Variants in SLC12A9 observed in about 807,000 individuals in gnomAD.
SLC12A9 encodes CCC-interacting protein 1.
A neutral mutation model predicts 66.0 loss-of-function variants in SLC12A9; 55 were observed. The ratio of observed to expected loss-of-function variants is 0.83; its 90% CI spans 0.67 to 1.04. The LOEUF (loss-of-function observed/expected upper bound fraction) is 1.04. SLC12A9 is among the 50% of genes least tolerant of loss of function. The pLI, the probability that SLC12A9 is intolerant of heterozygous loss-of-function variation, is 0.00. For missense variants in SLC12A9, 1,061 were observed against 1,241.9 expected (o/e 0.85, Z 2.19); for synonymous variants, 577 against 569.0 (o/e 1.01, Z -0.20).
rs2116631400 is a variant in SLC12A9 at position 100,861,592 on chromosome 7, G to C, written c.1536+8G>C. 1 of 1,611,778 alleles carries C rather than the reference G, an allele frequency of 6.2e-7. No homozygotes were observed. The highest frequency in any genetic ancestry group is 2.2e-5 in the East Asian group (1 of 44,830). On this transcript the variant is annotated splice_region_variant and intron_variant, in intron 11 of 13. Transcript: ENST00000354161. This position sits in a 1 kb window ranked among gnomAD's most constrained non-coding sequence, Gnocchi z 5.3. ...GCCTTGCTTTTCCACCAGGTATGGG[G>C]AGCTGGTGGGGCGGTGGGGAAATGG...
rs551505986 is a variant in SLC12A9, at chr7:100,854,293, G to T, written c.96G>T (p.Ala32=). ...ATGGGGCCGGGGGTCCTGGAGGGGC[G>T]TCTGCCCGGAAGCTGTCCACCTTCC... ...PANGAGGPGG[A]SARKLSTFLG... The change falls in exon 2 of 14, where the codon GCG becomes GCT. Residue 32 remains alanine (A), a synonymous_variant. Coordinates refer to ENST00000354161, the MANE Select transcript of SLC12A9 (RefSeq NM_020246.4). 4.4e-6 allele frequency: 7 copies of T among 1,600,174 alleles called. No homozygotes were observed. The highest frequency in any genetic ancestry group is 6.0e-6 in the Non-Finnish European group (7 of 1,176,396).
At chr7:100,857,458 A>C in intron 5 of SLC12A9, 1 of 480,154 alleles carries the variant, frequency 2.1e-6, no homozygotes, top group Non-Finnish European at 3.8e-6. Context: ...ATGGCCCAGC[A>C]TGACTTAAAC....
chr7:100,842,111 G>A (rs1004097307), intron 1 of SLC12A9, among the ~76,000 whole-genome samples: 3 of 147,080 alleles, frequency 2.0e-5, no homozygotes, highest in Admixed American at 2.0e-4. Flanking sequence ...ACTGCTGTTC[G>A]TACAGAAAAA....
chr7:100,856,959 G>T lies in SLC12A9; in HGVS notation c.540G>T (p.Gly180=). 6.2e-7 allele frequency: 1 copy of T among 1,613,638 alleles called. No homozygotes were observed. Among genetic ancestry groups the T allele is most frequent in the Non-Finnish European group, 8.5e-7 (1 of 1,180,034 alleles). The part of the protein sequence containing the change: ...YGSLLLGLVG[G]VCTLGAGLYA... ...CCCTGCTGCTGGGCCTTGTGGGTGG[G>T]GTCTGCACCCTGGGAGCCGGCCTCT... Residue 180 remains glycine (G), a synonymous_variant, in exon 5 of 14, where the codon GGG becomes GGT. Transcript: ENST00000354161.
Position 100,866,754 on chromosome 7 carries a change from G to A in SLC12A9, c.*149G>A. The A allele has an allele frequency of 1.2e-6, 1 of 828,528 alleles. No individual in the cohort carries two copies. The highest frequency in any genetic ancestry group is 1.8e-6 in the Non-Finnish European group (1 of 566,560). The allele number at this position is 828,528 out of a possible 1,614,324, so 51.3% of individuals were successfully genotyped here. On this transcript the variant is annotated 3_prime_UTR_variant, in exon 14 of 14. Coordinates refer to ENST00000354161, the MANE Select transcript of SLC12A9 (RefSeq NM_020246.4). The surrounding 1 kb of genome is among the most constrained non-coding windows in gnomAD (Gnocchi z 7.3). ...GAGGTTTGAAGGGGATCCTGGGCTT[G>A]GGCATCACGCCCACCTCCTTTGGCA...
intron 1 of SLC12A9, among the ~76,000 whole-genome samples, chr7:100,835,051 TAAAC>T (rs138733738): frequency 0.017 from 2,588 of 151,524 alleles, 63 homozygotes; most frequent in African/African-American, 0.06. Context: ...AAAATTAAAA[TAAAC>T]AAACAAAAGA....
chr7:100,844,983 A>G (rs1813876102), intron 1 of SLC12A9, among the ~76,000 whole-genome samples: 1 of 151,922 alleles, frequency 6.6e-6, no homozygotes, highest in Non-Finnish European at 1.5e-5. Flanking sequence ...GTAATAGGAG[A>G]TCAATGGCCA....
At chr7:100,848,730 C>T (rs1813981289), upstream of SLC12A9, among the ~76,000 whole-genome samples, 1 of 151,342 alleles carries the variant, frequency 6.6e-6, no homozygotes, top group Non-Finnish European at 1.5e-5. Flanking sequence ...ACTAAAAATA[C>T]AAAAAATTAG....
chr7:100,847,523 A>C (rs1813944503), intron 1 of SLC12A9, among the ~76,000 whole-genome samples: 1 of 152,180 alleles, frequency 6.6e-6, no homozygotes, highest in Non-Finnish European at 1.5e-5. Context: ...ACAAGTGCAG[A>C]AGTGGGAAAA....
chr7:100,829,035 T>C (rs1813490013), intron 1 of SLC12A9, among the ~76,000 whole-genome samples: 2 of 151,536 alleles, frequency 1.3e-5, no homozygotes, highest in Non-Finnish European at 2.9e-5. Flanking sequence ...TTTCCCAGGC[T>C]GGAGTGCAGT....
At chr7:100,849,437 C>T (rs181135776), upstream of SLC12A9, among the ~76,000 whole-genome samples, 766 of 149,270 alleles carry the variant, frequency 5.1e-3, 6 homozygotes, top group African/African-American at 0.018. Flanking sequence ...GGACCCAGGG[C>T]GGGTGCGGTG....
Position 100,861,808 on chromosome 7 carries a change from C to T in SLC12A9, c.1608C>T (p.Leu536=), listed in dbSNP as rs140188548. 8.7e-6 allele frequency: 14 copies of T among 1,614,126 alleles called. No homozygotes were observed. Among genetic ancestry groups the T allele is most frequent in the Non-Finnish European group, 1.1e-5 (13 of 1,179,992 alleles). Residue 536 remains leucine, a synonymous_variant, in exon 12 of 14, where the codon CTC becomes CTT. Coordinates refer to ENST00000354161, the MANE Select transcript of SLC12A9 (RefSeq NM_020246.4). The surrounding 1 kb of genome is among the most constrained non-coding windows in gnomAD (Gnocchi z 5.3). ...HVKFWRPQLL[L]LVGNPRGALP... Reference sequence around the variant, plus strand: ...AGTTCTGGCGGCCCCAGCTGCTGCTCCTGGTGGGGAACCCCCGGGGCGCCC... The same window carrying T: ...AGTTCTGGCGGCCCCAGCTGCTGCTTCTGGTGGGGAACCCCCGGGGCGCCC...
chr7:100,842,116 G>GA (rs781017373), intron 1 of SLC12A9, among the ~76,000 whole-genome samples: 3,827 of 117,708 alleles, frequency 0.033, 146 homozygotes, highest in African/African-American at 0.11. Flanking sequence ...TGTTCGTACA[G>GA]AAAAAAAAAA....
At chr7:100,850,974 T>C (rs1814057914), upstream of SLC12A9, among the ~76,000 whole-genome samples, 1 of 152,042 alleles carries the variant, frequency 6.6e-6, no homozygotes, top group Admixed American at 6.6e-5. Flanking sequence ...CACCTCGGCC[T>C]CCCAAAGTGC....
At position 100,827,020 on chromosome 7, in the gene SLC12A9, C is replaced by T. The variant is rs531830000; in HGVS notation, n.201C>T. 6 of 1,585,624 alleles carry T rather than the reference C, an allele frequency of 3.8e-6. No individual in the cohort carries two copies. In the African/African-American group the frequency reaches 5.4e-5, roughly 14 times the overall value. Reference sequence around the variant, plus strand: ...CAACGAAGCCCAGCAGAGCAGCACCCGGAGCTCCATGGCGCCGCCTCACTC... The same window carrying T: ...CAACGAAGCCCAGCAGAGCAGCACCTGGAGCTCCATGGCGCCGCCTCACTC... On this transcript the variant is annotated non_coding_transcript_exon_variant, in exon 1 of 2. Transcript: ENST00000461016.
Position 100,861,155 on chromosome 7 carries a change from G to C in SLC12A9, c.1236G>C (p.Gly412=). The C allele has an allele frequency of 6.2e-7, 1 of 1,614,214 alleles. No homozygotes were observed. Among genetic ancestry groups the C allele is most frequent in the Non-Finnish European group, 8.5e-7 (1 of 1,180,040 alleles). The change falls in exon 10 of 14, where the codon GGG becomes GGC. Residue 412 remains glycine (G), a synonymous_variant. Transcript: ENST00000354161. The surrounding 1 kb of genome is among the most constrained non-coding windows in gnomAD (Gnocchi z 5.3). ...TTGCCCAGCTGGTGCTCCTGGCTGG[G>C]AAGCTGAACACACTGGCTGCTGTGG... The part of the protein sequence containing the change: ...WGLVQLVLLA[G]KLNTLAAVVT...
chr7:100,866,195 G>A lies in SLC12A9; in HGVS notation c.2335G>A (p.Gly779Arg). ...GTGCCTGGGGCCTCGGGAGGCGCCT[G>A]GGGCGGCCGAGGGGCGGCTGCGGGC... ...FLCLGPREAP[G>R]AAEGRLRALL... Residue 779 changes from glycine to arginine, a missense_variant, in exon 14 of 14, where the codon GGG becomes AGG. Physicochemically the swap from Gly to Arg is moderately radical, Grantham distance 125. Coordinates refer to ENST00000354161, the MANE Select transcript of SLC12A9 (RefSeq NM_020246.4). This position sits in a 1 kb window ranked among gnomAD's most constrained non-coding sequence, Gnocchi z 7.3. 6.2e-7 allele frequency: 1 copy of A among 1,611,580 alleles called. No individual in the cohort carries two copies. Among genetic ancestry groups the A allele is most frequent in the Non-Finnish European group, 8.5e-7 (1 of 1,179,288 alleles).
intron 1 of SLC12A9, among the ~76,000 whole-genome samples, chr7:100,841,405 C>T (rs1183427093): frequency 1.2e-4 from 18 of 151,030 alleles, no homozygotes; most frequent in African/African-American, 4.4e-4. Context: ...ACATTTTTAC[C>T]TATGTTAAAA....
chr7:100,826,897 G>C (rs1298046059), exon 1 of SLC12A9: 2 of 1,478,096 alleles, frequency 1.4e-6, no homozygotes, highest in Admixed American at 2.1e-5. Context: ...GTCAGAGGCC[G>C]GCCCCTCCAC....
Sources: allele counts gnomAD v4.1 joint callset (sites outside exome capture counted in the v4.1 genomes callset), GRCh38; gene constraint gnomAD v4.1.1; non-coding constraint Gnocchi (gnomAD v3.1); transcripts MANE v1.5; gene names NCBI Gene and HGNC (gene_info 2026-07-23, HGNC 2026-07-21).